Variants in TULP4 observed in about 807,000 individuals in gnomAD.
TULP4 encodes the protein TUB like protein 4.
In TULP4, 16 loss-of-function variants were observed where a neutral mutation model predicts 129.0. The observed-to-expected ratio is 0.12, with a 90% confidence interval of 0.08 to 0.19. TULP4 has a LOEUF of 0.19. Among genes scored for constraint, TULP4 ranks in the 10% least tolerant of loss-of-function variants. The probability of loss-of-function intolerance (pLI) is 1.00; values close to 1 mark genes in which losing one functional copy is unlikely to be tolerated. For synonymous variants in TULP4, 998 were observed against 854.0 expected, an observed-to-expected ratio of 1.17 and a Z score of -2.94; for missense variants, 1,842 against 2,059.1, an observed-to-expected ratio of 0.89 and a Z score of 2.04.
chr6:158,260,532 C>T (rs557109838), intron 1 of TULP4, among the ~76,000 whole-genome samples: 8 of 149,868 alleles, frequency 5.3e-5, no homozygotes, highest in Admixed American at 2.0e-4. Flanking sequence ...GCAGAGATCA[C>T]GCCACTGCAC....
intron 9 of TULP4, among the ~76,000 whole-genome samples, chr6:158,490,453 A>G (rs1780174489): frequency 2.0e-5 from 3 of 152,218 alleles, no homozygotes; most frequent in African/African-American, 4.8e-5. Flanking sequence ...ACATCAACAC[A>G]TCGCATCCAC....
intron 1 of TULP4, among the ~76,000 whole-genome samples, chr6:158,385,502 G>A (rs774877588): frequency 5.3e-5 from 8 of 152,044 alleles, no homozygotes; most frequent in Non-Finnish European, 1.0e-4. Context: ...ACCTTTGTCA[G>A]GCTACTCTTT....
intron 1 of TULP4, among the ~76,000 whole-genome samples, chr6:158,356,063 G>A (rs571485990): frequency 3.4e-4 from 51 of 152,236 alleles, no homozygotes; most frequent in Non-Finnish European, 6.2e-4. Context: ...GTCAAAATTC[G>A]TTGAAAGGTC....
At chr6:158,374,522 T>C (rs1777143550) in intron 1 of TULP4, among the ~76,000 whole-genome samples, 3 of 152,170 alleles carry the variant, frequency 2.0e-5, no homozygotes, top group South Asian at 4.1e-4. Flanking sequence ...AATAGAAGAG[T>C]GCAGGGGTTT....
intron 3 of TULP4, among the ~76,000 whole-genome samples, chr6:158,439,208 A>G (rs929728257): frequency 9.9e-5 from 15 of 152,150 alleles, no homozygotes; most frequent in African/African-American, 3.6e-4. Context: ...TATTTGGTGT[A>G]TAAATATCAA....
chr6:158,319,807 A>G (rs1003794393), intron 1 of TULP4, among the ~76,000 whole-genome samples: 5 of 152,230 alleles, frequency 3.3e-5, no homozygotes, highest in Admixed American at 2.6e-4. Context: ...TTCTGTTGTT[A>G]GAAATTTGTG....
intron 7 of TULP4, 98 bp downstream of exon 7, chr6:158,480,073 T>C (rs1779905095): frequency 1.1e-6 from 1 of 917,640 alleles, no homozygotes; most frequent in South Asian, 1.6e-5. Context: ...AGTGAGCACA[T>C]GGGGCCATGT....
At chr6:158,247,179 C>T (rs1487135374) in intron 1 of TULP4, among the ~76,000 whole-genome samples, 2 of 151,850 alleles carry the variant, frequency 1.3e-5, no homozygotes, top group Non-Finnish European at 2.9e-5. Context: ...CTGTTTCTTC[C>T]TTTTGTAGTT....
chr6:158,417,568 C>T (rs548060315), intron 2 of TULP4, among the ~76,000 whole-genome samples: 23 of 152,242 alleles, frequency 1.5e-4, no homozygotes, highest in African/African-American at 5.1e-4. Context: ...TGCCTTTAAT[C>T]GTGTTGGAGT....
chr6:158,469,245 G>T (rs1473237020), intron 6 of TULP4, among the ~76,000 whole-genome samples: 1 of 151,984 alleles, frequency 6.6e-6, no homozygotes, highest in East Asian at 1.9e-4. Context: ...ACTGTGAGGA[G>T]GAGGAGGTCA....
intron 1 of TULP4, among the ~76,000 whole-genome samples, chr6:158,386,705 A>G (rs1777456831): frequency 6.6e-6 from 1 of 152,234 alleles, no homozygotes. Flanking sequence ...CATAAAACAG[A>G]CTGCCTGGAT....
chr6:158,424,508 C>A (rs974974629), intron 2 of TULP4, among the ~76,000 whole-genome samples: 4 of 152,136 alleles, frequency 2.6e-5, no homozygotes, highest in Non-Finnish European at 5.9e-5. Context: ...CCTTGGCCTC[C>A]CAAAGTGCTG....
chr6:158,267,726 G>C (rs907157226), intron 1 of TULP4, among the ~76,000 whole-genome samples: 1 of 152,176 alleles, frequency 6.6e-6, no homozygotes, highest in African/African-American at 2.4e-5. Context: ...GCTCCCGTGT[G>C]GATGTGGTGC....
intron 12 of TULP4, among the ~76,000 whole-genome samples, chr6:158,499,278 C>G (rs1341329578): frequency 3.3e-5 from 5 of 152,210 alleles, no homozygotes; most frequent in Non-Finnish European, 4.4e-5. Context: ...TTTCTCAAAT[C>G]TGCCGTGTCC....
At chr6:158,454,608 CT>C (rs374123610) in intron 5 of TULP4, among the ~76,000 whole-genome samples, 233 of 143,060 alleles carry the variant, frequency 1.6e-3, no homozygotes, top group Middle Eastern at 3.7e-3. Context: ...ACAGTTCTCT[CT>C]TTTTTTTTTT....
chr6:158,257,029 C>A, intron 1 of TULP4, among the ~76,000 whole-genome samples: 1 of 152,074 alleles, frequency 6.6e-6, no homozygotes, highest in Non-Finnish European at 1.5e-5. Context: ...AGGAACTGTT[C>A]CATTTATGTT....
At chr6:158,424,835 A>G (rs899174056) in intron 2 of TULP4, among the ~76,000 whole-genome samples, 7 of 152,150 alleles carry the variant, frequency 4.6e-5, no homozygotes, top group African/African-American at 1.7e-4. Context: ...GATGCCCAAC[A>G]TATTAGTCAT....
At position 158,503,762 on chromosome 6, in the gene TULP4, G is replaced by A. The variant is rs757783791; in HGVS notation, c.4099G>A (p.Asp1367Asn). The change falls in exon 13 of 14, where the codon GAC (aspartate) becomes AAC (asparagine). Residue 1367 changes from aspartate (D) to asparagine (N), a missense_variant. This residue lies in a region of TULP4 where 1,089 missense variants were observed against 987.1 expected (regional missense o/e 1.10). Coordinates refer to ENST00000367097, the MANE Select transcript of TULP4 (RefSeq NM_020245.5). This position sits in a 1 kb window ranked among gnomAD's most constrained non-coding sequence, Gnocchi z 4.3. ...GAAGAAGGAGGCTAGGACTTTGAGTGACTTTAATTCCCTAATCTCCAGCCC... is the reference window on the plus strand; with the variant it reads ...GAAGAAGGAGGCTAGGACTTTGAGTAACTTTAATTCCCTAATCTCCAGCCC... ...KVKKEARTLS[D>N]FNSLISSPHL... 1 of 1,614,088 alleles carries A rather than the reference G, an allele frequency of 6.2e-7. No homozygotes were observed. The highest frequency in any genetic ancestry group is 1.7e-5 in the Admixed American group (1 of 60,024).
At chr6:158,319,749 A>C (rs559184465) in intron 1 of TULP4, among the ~76,000 whole-genome samples, 1 of 152,310 alleles carries the variant, frequency 6.6e-6, no homozygotes, top group South Asian at 2.1e-4. Flanking sequence ...TACTGTGATA[A>C]ATGTTTGTCT....
Sources: allele counts gnomAD v4.1 joint callset (sites outside exome capture counted in the v4.1 genomes callset), GRCh38; gene constraint gnomAD v4.1.1; regional missense constraint gnomAD v4.1.1; non-coding constraint Gnocchi (gnomAD v3.1); transcripts MANE v1.5; gene names NCBI Gene and HGNC (gene_info 2026-07-23, HGNC 2026-07-21).